Variants in B3GALT1 observed in about 807,000 individuals in gnomAD.
The protein encoded by B3GALT1 is UDP-Gal:betaGlcNAc beta 1,3-galactosyltransferase, polypeptide 1.
Under a neutral mutation model 23.2 loss-of-function variants are expected in B3GALT1, and 10 were observed. That is an observed-to-expected ratio of 0.43 (90% CI 0.27 to 0.73). B3GALT1 has a LOEUF of 0.73. B3GALT1 is among the 30% of genes least tolerant of loss of function. The probability of loss-of-function intolerance (pLI) is 0.21; values close to 1 mark genes in which losing one functional copy is unlikely to be tolerated. For synonymous variants in B3GALT1, 156 were observed against 141.5 expected (o/e 1.10, Z -0.73); for missense variants, 299 against 405.4 (o/e 0.74, Z 2.25).
intron 1 of B3GALT1, among the ~76,000 whole-genome samples, chr2:167,478,304 T>A (rs1157291688): frequency 6.6e-6 from 1 of 152,186 alleles, no homozygotes; most frequent in Non-Finnish European, 1.5e-5. Flanking sequence ...ATTTTAACAA[T>A]TATTAAATGG....
intron 2 of B3GALT1, among the ~76,000 whole-genome samples, chr2:167,515,117 A>G (rs184689926): frequency 5.3e-5 from 8 of 152,278 alleles, no homozygotes; most frequent in Admixed American, 5.2e-4. Flanking sequence ...ACAAGTCATC[A>G]TCTTCAATGA....
At chr2:167,590,485 TC>T (rs1047698375) in intron 2 of B3GALT1, among the ~76,000 whole-genome samples, 1 of 151,568 alleles carries the variant, frequency 6.6e-6, no homozygotes, top group African/African-American at 2.4e-5. Flanking sequence ...TCATGTGTCC[TC>T]CAGAATTTAA....
chr2:167,355,511 A>G (rs1559073701), intron 1 of B3GALT1, among the ~76,000 whole-genome samples: 1 of 152,202 alleles, frequency 6.6e-6, no homozygotes, highest in South Asian at 2.1e-4. Context: ...TAGGTTGTCT[A>G]GAAATACAGT....
chr2:167,603,696 G>C (rs975436063), intron 2 of B3GALT1, among the ~76,000 whole-genome samples: 7 of 152,108 alleles, frequency 4.6e-5, no homozygotes, highest in African/African-American at 1.7e-4. Context: ...CTCTATATGT[G>C]ATTCTTACCT....
chr2:167,674,385 A>C (rs1686387349), intron 3 of B3GALT1, among the ~76,000 whole-genome samples: 1 of 152,184 alleles, frequency 6.6e-6, no homozygotes, highest in South Asian at 2.1e-4. Flanking sequence ...TTCAGAAAAA[A>C]AATGTTTAAT....
Position 167,293,066 on chromosome 2 carries a change from A to T in B3GALT1, c.-779A>T, listed in dbSNP as rs2105474385. 1 of 151,444 alleles carries T rather than the reference A, an allele frequency of 6.6e-6. No homozygotes were observed. 9.4% of individuals were successfully genotyped at this position (151,444 alleles called of 1,614,324 possible). A position where few individuals can be genotyped will look rare whatever the true frequency, so the allele number is the denominator to read the frequency against. The stretch of plus-strand genomic sequence containing the variant: ...CGGCTGCCGCCGCGGCTGCTCGGCT[A>T]GTGCAGCTGGGCGAGCTCGCGCGGG... On this transcript the variant is annotated 5_prime_UTR_variant, in exon 1 of 5. Coordinates refer to ENST00000392690, the MANE Select transcript of B3GALT1 (RefSeq NM_020981.4).
At chr2:167,369,561 G>A (rs912592995) in intron 1 of B3GALT1, among the ~76,000 whole-genome samples, 1 of 152,178 alleles carries the variant, frequency 6.6e-6, no homozygotes, top group Non-Finnish European at 1.5e-5. Flanking sequence ...AATCAACTGA[G>A]CTGCGAAATA....
At chr2:167,866,342 T>C (rs1690217243) in intron 4 of B3GALT1, among the ~76,000 whole-genome samples, 1 of 152,234 alleles carries the variant, frequency 6.6e-6, no homozygotes, top group African/African-American at 2.4e-5. Flanking sequence ...AGCCTCCTAA[T>C]GTAAATTTTT....
At chr2:167,785,011 C>T (rs189679770) in intron 3 of B3GALT1, among the ~76,000 whole-genome samples, 1 of 152,330 alleles carries the variant, frequency 6.6e-6, no homozygotes, top group Non-Finnish European at 1.5e-5. Flanking sequence ...AGTCTAGCCA[C>T]TCATCTGCCG....
At chr2:167,318,941 C>G (rs1559064362) in intron 1 of B3GALT1, among the ~76,000 whole-genome samples, 1 of 152,114 alleles carries the variant, frequency 6.6e-6, no homozygotes, top group African/African-American at 2.4e-5. Context: ...GGGCCCATTC[C>G]CTGAGGAGAA....
At chr2:167,407,519 AT>A (rs1408905003) in intron 1 of B3GALT1, among the ~76,000 whole-genome samples, 1 of 151,464 alleles carries the variant, frequency 6.6e-6, no homozygotes, top group Non-Finnish European at 1.5e-5. Context: ...AATTAAGACA[AT>A]ACAATATAGA....
chr2:167,684,155 G>T (rs1686579499), intron 3 of B3GALT1, among the ~76,000 whole-genome samples: 1 of 152,272 alleles, frequency 6.6e-6, no homozygotes, highest in African/African-American at 2.4e-5. Context: ...ATGAGTTCTT[G>T]GAGGGAGAAA....
At chr2:167,690,227 T>C (rs1045111298) in intron 3 of B3GALT1, among the ~76,000 whole-genome samples, 10 of 151,940 alleles carry the variant, frequency 6.6e-5, no homozygotes, top group African/African-American at 2.4e-4. Context: ...AAATAAATAT[T>C]AATACTATAA....
intron 1 of B3GALT1, among the ~76,000 whole-genome samples, chr2:167,379,280 A>G (rs1248457220): frequency 6.6e-6 from 1 of 152,168 alleles, no homozygotes; most frequent in African/African-American, 2.4e-5. Flanking sequence ...CCCATGATTC[A>G]GTTACCTCCA....
At chr2:167,458,347 C>G (rs962002974) in intron 1 of B3GALT1, among the ~76,000 whole-genome samples, 6 of 152,164 alleles carry the variant, frequency 3.9e-5, no homozygotes, top group African/African-American at 1.4e-4. Context: ...TTTTGCTTAT[C>G]CATTCATCCA....
At chr2:167,408,279 T>A (rs1698338612) in intron 1 of B3GALT1, among the ~76,000 whole-genome samples, 1 of 152,206 alleles carries the variant, frequency 6.6e-6, no homozygotes, top group South Asian at 2.1e-4. Flanking sequence ...TTATGATTAT[T>A]TGAATAGATG....
chr2:167,804,356 T>C (rs1205901787), intron 3 of B3GALT1, among the ~76,000 whole-genome samples: 3 of 151,982 alleles, frequency 2.0e-5, no homozygotes, highest in African/African-American at 7.3e-5. Context: ...CTTTAAGTTT[T>C]AGGGTACATG....
intron 1 of B3GALT1, among the ~76,000 whole-genome samples, chr2:167,423,741 C>T (rs536924026): frequency 3.3e-5 from 5 of 152,194 alleles, no homozygotes; most frequent in Non-Finnish European, 5.9e-5. Flanking sequence ...TAACTGCTAA[C>T]TAGAGGCCAG....
At chr2:167,446,469 G>A (rs981465997) in intron 1 of B3GALT1, among the ~76,000 whole-genome samples, 5 of 152,142 alleles carry the variant, frequency 3.3e-5, no homozygotes, top group African/African-American at 4.8e-5. Flanking sequence ...TTTCCAACTT[G>A]GTTCCATTCT....
Sources: gnomAD v4.1 joint callset for allele counts (sites outside exome capture counted in the v4.1 genomes callset) on GRCh38, gnomAD v4.1.1 for gene constraint, MANE v1.5 for transcripts, NCBI Gene and HGNC (gene_info 2026-07-23, HGNC 2026-07-21) for gene names.